Variants in CDH4 observed in about 807,000 individuals in gnomAD.
CDH4 encodes the protein cadherin 4.
Under a neutral mutation model 86.0 loss-of-function variants are expected in CDH4, and 33 were observed. The ratio of observed to expected loss-of-function variants is 0.38; its 90% confidence interval spans 0.29 to 0.51. The LOEUF (loss-of-function observed/expected upper bound fraction) is 0.51, where lower values mean the gene tolerates loss of function less well. Among genes scored for constraint, CDH4 ranks in the 20% least tolerant of loss-of-function variants. The pLI is 0.86. For synonymous variants in CDH4, 555 were observed against 549.4 expected (o/e 1.01, Z -0.14); for missense variants, 1,114 against 1,307.4 (o/e 0.85, Z 2.28).
intron 7 of CDH4, among the ~76,000 whole-genome samples, chr20:61,875,937 AACACACACACAC>A (rs34781850): frequency 6.6e-6 from 1 of 151,158 alleles, no homozygotes; most frequent in South Asian, 2.1e-4. Context: ...GCGCTCCCCC[AACACACACACAC>A]ACACACACCT....
intron 2 of CDH4, among the ~76,000 whole-genome samples, chr20:61,611,881 T>A (rs1406515414): frequency 1.3e-5 from 2 of 152,076 alleles, no homozygotes; most frequent in Non-Finnish European, 2.9e-5. Context: ...ATCTGGAGGC[T>A]CCTGCAGAGA....
intron 2 of CDH4, among the ~76,000 whole-genome samples, chr20:61,338,308 A>G (rs117487477): frequency 0.047 from 7,211 of 152,280 alleles, 218 homozygotes; most frequent in Middle Eastern, 0.082. Context: ...AAATCAGGGT[A>G]TCAGGATCTT....
chr20:61,882,580 C>T (rs1258594432), intron 7 of CDH4, among the ~76,000 whole-genome samples: 1 of 152,218 alleles, frequency 6.6e-6, no homozygotes, highest in Non-Finnish European at 1.5e-5. Context: ...AAGCCCCTGG[C>T]CCGGGGGGTG....
At chr20:61,716,431 C>CTGTAAAGGGGTGGACGCTCCTCACCTG (rs2087955622) in intron 2 of CDH4, among the ~76,000 whole-genome samples, 2 of 143,924 alleles carry the variant, frequency 1.4e-5, no homozygotes, top group African/African-American at 5.8e-5. Flanking sequence ...GCCTCTTGCC[C>CTGTAAAGGGGTGGACGCTCCTCACCTG]TGAGCTGGGG....
intron 2 of CDH4, among the ~76,000 whole-genome samples, chr20:61,312,461 C>T (rs2084451905): frequency 6.6e-6 from 1 of 152,070 alleles, no homozygotes; most frequent in Admixed American, 6.6e-5. Flanking sequence ...ATCATGGGCC[C>T]TGCCTGGGAG....
At chr20:61,364,288 C>T (rs2084799323) in intron 2 of CDH4, among the ~76,000 whole-genome samples, 1 of 152,154 alleles carries the variant, frequency 6.6e-6, no homozygotes, top group Admixed American at 6.5e-5. Flanking sequence ...GAGACACAAG[C>T]CGTGGGGGTG....
chr20:61,655,434 G>A (rs2087176938), intron 2 of CDH4, among the ~76,000 whole-genome samples: 1 of 152,338 alleles, frequency 6.6e-6, no homozygotes, highest in Admixed American at 6.5e-5. Flanking sequence ...AGAGTGACAA[G>A]GCAAGTAGGA....
intron 2 of CDH4, among the ~76,000 whole-genome samples, chr20:61,556,975 T>G (rs984579980): frequency 2.6e-5 from 4 of 152,020 alleles, no homozygotes; most frequent in Non-Finnish European, 2.9e-5. Context: ...GATTTTCAAT[T>G]TAATCGAAAG....
At chr20:61,479,622 A>G (rs1214503227) in intron 2 of CDH4, among the ~76,000 whole-genome samples, 3 of 152,242 alleles carry the variant, frequency 2.0e-5, no homozygotes, top group Non-Finnish European at 4.4e-5. Flanking sequence ...CTATGCAGCC[A>G]TAAAAAAGCT....
intron 2 of CDH4, among the ~76,000 whole-genome samples, chr20:61,490,554 C>A (rs2085620408): frequency 6.6e-6 from 1 of 152,112 alleles, no homozygotes; most frequent in African/African-American, 2.4e-5. Context: ...CAAAAATTAG[C>A]TGGGCATAGT....
intron 2 of CDH4, among the ~76,000 whole-genome samples, chr20:61,600,157 C>T (rs114578967): frequency 0.01 from 1,583 of 152,344 alleles, 34 homozygotes; most frequent in African/African-American, 0.034. Context: ...GCACAGGTCC[C>T]GCGCGAGGGC....
chr20:61,724,928 T>C (rs1225562380), intron 2 of CDH4, among the ~76,000 whole-genome samples: 1 of 151,976 alleles, frequency 6.6e-6, no homozygotes, highest in Non-Finnish European at 1.5e-5. Context: ...CTGGGCAACA[T>C]AGCATGGCCC....
chr20:61,256,609 C>G (rs898404367), intron 2 of CDH4, among the ~76,000 whole-genome samples: 1 of 152,176 alleles, frequency 6.6e-6, no homozygotes, highest in Non-Finnish European at 1.5e-5. Context: ...TGGTGTTCGC[C>G]TCGTGGGGGG....
At chr20:61,410,388 A>T (rs1395960573) in intron 2 of CDH4, among the ~76,000 whole-genome samples, 1 of 151,568 alleles carries the variant, frequency 6.6e-6, no homozygotes, top group Non-Finnish European at 1.5e-5. Flanking sequence ...CCATTCATCC[A>T]TCTGTCAATC....
At chr20:61,537,216 G>A (rs1420245163) in intron 2 of CDH4, among the ~76,000 whole-genome samples, 2 of 152,316 alleles carry the variant, frequency 1.3e-5, no homozygotes, top group Middle Eastern at 6.8e-3. Flanking sequence ...GGTACAATGT[G>A]TCAGTGGAAT....
chr20:61,830,594 C>T (rs1981553453), intron 4 of CDH4, among the ~76,000 whole-genome samples: 1 of 152,230 alleles, frequency 6.6e-6, no homozygotes, highest in Admixed American at 6.5e-5. Context: ...CAGGCCTCCC[C>T]CATGCTGAGC....
rs1005722668 is a variant in CDH4, at chr20:61,923,623, T to C, written c.1547T>C (p.Leu516Pro). 4.3e-6 allele frequency: 7 copies of C among 1,613,976 alleles called. No homozygotes were observed. The highest frequency in any genetic ancestry group is 8.5e-7 in the Non-Finnish European group (1 of 1,180,028). ...CCCTCAAACCACAAGCTGATCCGCC[T>C]GGAGGAGGGCGTGCCCCCCGGCACC... ...YFPSNHKLIRLEEGVPPGTVL... is the reference protein window; with the variant it reads ...YFPSNHKLIRPEEGVPPGTVL... The change falls in exon 10 of 16, where the codon CTG becomes CCG. Residue 516 changes from leucine to proline, a missense_variant. Around this residue, in one of 3 missense-constraint regions of CDH4, gnomAD observed 705 missense variants for 914.1 expected, o/e 0.77. Transcript: ENST00000614565.
chr20:61,809,630 C>T (rs1048706870), intron 4 of CDH4, among the ~76,000 whole-genome samples: 1 of 152,146 alleles, frequency 6.6e-6, no homozygotes, highest in Non-Finnish European at 1.5e-5. Flanking sequence ...CCGCCTATGC[C>T]GGGGACTGCA....
At chr20:61,907,508 G>T (rs543589835) in intron 8 of CDH4, among the ~76,000 whole-genome samples, 19 of 152,144 alleles carry the variant, frequency 1.2e-4, no homozygotes, top group African/African-American at 4.3e-4. Flanking sequence ...GGCCTGAGTC[G>T]CCCCTGCTAT....
Sources: allele counts gnomAD v4.1 joint callset (sites outside exome capture counted in the v4.1 genomes callset), GRCh38; gene constraint gnomAD v4.1.1; regional missense constraint gnomAD v4.1.1; transcripts MANE v1.5; gene names NCBI Gene and HGNC (gene_info 2026-07-23, HGNC 2026-07-21).